VPS13A: variants seen among roughly 807,000 people sequenced by gnomAD.
VPS13A encodes vacuolar protein sorting 13 homolog A.
VPS13A carries 264 observed loss-of-function variants against 390.9 expected under a neutral mutation model. The ratio of observed to expected loss-of-function variants is 0.68; its 90% CI spans 0.61 to 0.75. The LOEUF is 0.75. Among genes scored for constraint, VPS13A ranks in the 30% least tolerant of loss-of-function variants. VPS13A has a pLI of 0.00. For synonymous variants in VPS13A, 1,231 were observed against 1,227.1 expected (o/e 1.00, Z -0.07); for missense variants, 3,409 against 3,733.9 (o/e 0.91, Z 2.27).
chr9:77,410,815 A>G (rs867508736), intron 71 of VPS13A, among the ~76,000 whole-genome samples: 2 of 152,196 alleles, frequency 1.3e-5, no homozygotes, highest in South Asian at 2.1e-4. Context: ...AGACCTACAA[A>G]GAGACTTAGA....
intron 54 of VPS13A, among the ~76,000 whole-genome samples, chr9:77,354,509 TG>T (rs1563952571): frequency 1.3e-5 from 2 of 152,160 alleles, no homozygotes; most frequent in African/African-American, 4.8e-5. Flanking sequence ...GAATAATACA[TG>T]GTCTCTACCT....
At chr9:77,414,589 T>A (rs1011549463) in intron 71 of VPS13A, among the ~76,000 whole-genome samples, 1 of 147,718 alleles carries the variant, frequency 6.8e-6, no homozygotes, top group South Asian at 2.2e-4. Context: ...GGGCCTGTTA[T>A]GGGATGGGGG....
chr9:77,303,817 C>G (rs538938562), intron 34 of VPS13A, among the ~76,000 whole-genome samples: 93 of 149,970 alleles, frequency 6.2e-4, no homozygotes, highest in African/African-American at 2.0e-3. Flanking sequence ...AGCAGCATTA[C>G]TGCAAACATG....
rs777289768 is a variant in VPS13A at position 77,283,341 on chromosome 9, A to T, written c.3119-14A>T. Reference sequence around the variant, plus strand: ...TTTTTCCTCATGTTTTATAATATGAATTTTTTTTTGCAGCTTTAAAACTAT... The same window carrying T: ...TTTTTCCTCATGTTTTATAATATGATTTTTTTTTTGCAGCTTTAAAACTAT... On this transcript the variant is annotated splice_polypyrimidine_tract_variant and intron_variant, in intron 29 of 71. Transcript: ENST00000360280. 227 of 1,443,804 alleles carry T rather than the reference A, an allele frequency of 1.6e-4. 1 individual carries two copies. Among genetic ancestry groups the T allele is most frequent in the Non-Finnish European group, 2.1e-4 (218 of 1,032,308 alleles). 89.4% of individuals were successfully genotyped at this position (1,443,804 alleles called of 1,614,324 possible). A position where few individuals can be genotyped will look rare whatever the true frequency, so the allele number is the denominator to read the frequency against.
At chr9:77,373,172 C>G (rs972574787) in intron 67 of VPS13A, among the ~76,000 whole-genome samples, 1,912 of 151,076 alleles carry the variant, frequency 0.013, 43 homozygotes, top group African/African-American at 0.044. Flanking sequence ...GAGCCCGCAT[C>G]GCCAAGGCAA....
chr9:77,214,974 C>T (rs904267775), intron 10 of VPS13A, among the ~76,000 whole-genome samples: 2 of 152,148 alleles, frequency 1.3e-5, no homozygotes, highest in African/African-American at 4.8e-5. Context: ...CCATGTTGCC[C>T]AGGCTGGTCT....
intron 21 of VPS13A, 47 bp downstream of exon 21, chr9:77,250,276 T>C: frequency 6.2e-7 from 1 of 1,603,780 alleles, no homozygotes; most frequent in South Asian, 1.1e-5. Context: ...TTGAAGTGAT[T>C]AATTAGGTTT....
intron 33 of VPS13A, among the ~76,000 whole-genome samples, chr9:77,300,884 T>C (rs990325154): frequency 6.6e-6 from 1 of 152,252 alleles, no homozygotes; most frequent in Admixed American, 6.5e-5. Context: ...ATATGGCACA[T>C]GCCAATCATC....
chr9:77,413,358 A>AACCAAAACAGCATGGTACTGGT (rs1835025803), intron 71 of VPS13A, among the ~76,000 whole-genome samples: 1 of 152,210 alleles, frequency 6.6e-6, no homozygotes, highest in Non-Finnish European at 1.5e-5. Flanking sequence ...AGGCTACAGT[A>AACCAAAACAGCATGGTACTGGT]ACCAAAACAG....
At chr9:77,275,927 G>A (rs1333948981) in intron 25 of VPS13A, 138 bp from the exon 26 acceptor site, 2 of 912,510 alleles carry the variant, frequency 2.2e-6, no homozygotes, top group African/African-American at 3.4e-5. Flanking sequence ...ATGTCTGTGT[G>A]GGTATAAAAT....
intron 17 of VPS13A, among the ~76,000 whole-genome samples, chr9:77,234,917 A>C (rs1235857228): frequency 6.6e-6 from 1 of 152,206 alleles, no homozygotes; most frequent in African/African-American, 2.4e-5. Flanking sequence ...ACTTAACTTT[A>C]ATAGTGTATA....
chr9:77,371,272 C>T (rs1832733540), intron 67 of VPS13A, 123 bp downstream of exon 67: 1 of 1,331,156 alleles, frequency 7.5e-7, no homozygotes, highest in Non-Finnish European at 1.0e-6. Flanking sequence ...TAACATACCA[C>T]ATAATACCAC....
intron 1 of VPS13A, among the ~76,000 whole-genome samples, chr9:77,192,486 T>C (rs1775691690): frequency 6.6e-6 from 1 of 152,218 alleles, no homozygotes; most frequent in South Asian, 2.1e-4. Flanking sequence ...TAATGGTCTT[T>C]CATTTCCATG....
chr9:77,356,767 T>C lies in VPS13A; in HGVS notation c.7706T>C (p.Met2569Thr), dbSNP rs909935771. 6.2e-7 allele frequency: 1 copy of C among 1,613,712 alleles called. No individual in the cohort carries two copies. The highest frequency in any genetic ancestry group is 8.5e-7 in the Non-Finnish European group (1 of 1,179,880). ...KPKKKARWKPMSVKHTEKLER... is the reference protein window; with the variant it reads ...KPKKKARWKPTSVKHTEKLER... ...AAGAAGAAGGCAAGATGGAAGCCAA[T>C]GAGTGTAAAGCACACTGAGAAGTTA... is the stretch of plus-strand genomic sequence containing the variant. Residue 2569 changes from methionine to threonine, a missense_variant, in exon 55 of 72, where the codon ATG (methionine) becomes ACG (threonine). Met to Thr is a moderately conservative substitution (Grantham distance 81, BLOSUM62 -1). Around this residue, in one of 5 missense-constraint regions of VPS13A, gnomAD observed 221 missense variants for 300.7 expected, o/e 0.73. Transcript: ENST00000360280.
intron 1 of VPS13A, among the ~76,000 whole-genome samples, chr9:77,189,896 C>G (rs914019758): frequency 6.6e-6 from 1 of 152,048 alleles, no homozygotes; most frequent in Non-Finnish European, 1.5e-5. Flanking sequence ...TGATTTGGCT[C>G]TCAGCTTGGA....
intron 9 of VPS13A, 147 bp downstream of exon 9, chr9:77,213,461 G>A: frequency 1.6e-6 from 1 of 637,600 alleles, no homozygotes; most frequent in Non-Finnish European, 2.7e-6. Context: ...GAAGATGTGT[G>A]TAACTATACA....
At chr9:77,353,372 T>TTTTGG in intron 53 of VPS13A, 37 bp from the exon 54 acceptor site, 1 of 1,490,768 alleles carries the variant, frequency 6.7e-7, no homozygotes, top group Non-Finnish European at 9.2e-7. Flanking sequence ...AATTCTAATT[T>TTTTGG]TTTGGTTTTT....
intron 59 of VPS13A, among the ~76,000 whole-genome samples, chr9:77,364,359 A>G (rs186878542): frequency 6.6e-6 from 1 of 152,282 alleles, no homozygotes; most frequent in East Asian, 1.9e-4. Context: ...CAGGAGGCAC[A>G]AGTTGCAGTG....
At position 77,353,653 on chromosome 9, in the gene VPS13A, TA is replaced by T. The variant is rs1831600350; in HGVS notation, c.7652+15del. 6.3e-7 allele frequency: 1 copy of T among 1,594,340 alleles called. No homozygotes were observed. Among genetic ancestry groups the T allele is most frequent in the Admixed American group, 1.7e-5 (1 of 59,872 alleles). On this transcript the variant is annotated intron_variant, in intron 54 of 71. Transcript: ENST00000360280. ...ATAGGCATTACAAGGTTAGATGCAT[TA>T]AATTTTGGATACATTTAAATGATCA... is the stretch of plus-strand genomic sequence containing the variant.
Sources: gnomAD v4.1 joint callset for allele counts (sites outside exome capture counted in the v4.1 genomes callset) on GRCh38, gnomAD v4.1.1 for gene constraint, gnomAD v4.1.1 regional missense constraint, MANE v1.5 for transcripts, NCBI Gene and HGNC (gene_info 2026-07-23, HGNC 2026-07-21) for gene names.